FKBP10: variants seen among roughly 807,000 people sequenced by gnomAD.
The protein encoded by FKBP10 is peptidyl-prolyl cis-trans isomerase FKBP10.
A neutral mutation model predicts 53.7 loss-of-function variants in FKBP10; 34 were observed. That is an observed-to-expected ratio of 0.63 (90% CI 0.48 to 0.84). The LOEUF (loss-of-function observed/expected upper bound fraction) is 0.84, where lower values mean the gene tolerates loss of function less well. Ranked by LOEUF, FKBP10 falls within the 40% of genes least tolerant of loss-of-function variation. FKBP10 has a pLI of 0.00. For missense variants in FKBP10, 748 were observed against 797.8 expected (o/e 0.94, Z 0.75); for synonymous variants, 324 against 335.7 (o/e 0.97, Z 0.38).
At chr17:41,820,896 C>A (rs782279540) in intron 7 of FKBP10, 51 bp from the exon 8 acceptor site, 2 of 1,594,080 alleles carry the variant, frequency 1.3e-6, no homozygotes, top group Non-Finnish European at 1.7e-6. Context: ...GAGGGGTGTG[C>A]GCTGGCAGGG....
intron 6 of FKBP10, 107 bp downstream of exon 6, chr17:41,819,782 A>G: frequency 6.5e-7 from 1 of 1,543,118 alleles, no homozygotes. Context: ...GGCCCCTCTC[A>G]TCACAAAAAC....
intron 9 of FKBP10, 135 bp downstream of exon 9, chr17:41,821,952 G>A (rs1308346914): frequency 1.8e-6 from 2 of 1,133,228 alleles, no homozygotes; most frequent in Non-Finnish European, 2.6e-6. Context: ...CCACGCCTCA[G>A]GCTCCTTGTC....
chr17:41,815,591 G>A (rs1447214185), intron 1 of FKBP10, among the ~76,000 whole-genome samples: 3 of 151,296 alleles, frequency 2.0e-5, no homozygotes, highest in Non-Finnish European at 4.4e-5. Context: ...TCAGCCTCCC[G>A]ATTAGCTGGG....
rs2047864270 is a variant in FKBP10 at position 41,819,621 on chromosome 17, G to C, written c.1009G>C (p.Glu337Gln). The change falls in exon 6 of 10, where the codon GAA becomes CAA. Residue 337 changes from glutamate to glutamine, a missense_variant. Transcript: ENST00000321562. Reference sequence around the variant, plus strand: ...GGGGCTGCAGGGTGCCTGCATGGGGGAACGCCGGAGAATTACCATCCCCCC... The same window carrying C: ...GGGGCTGCAGGGTGCCTGCATGGGGCAACGCCGGAGAATTACCATCCCCCC... ...DQGLQGACMGERRRITIPPHL... is the reference protein window; with the variant it reads ...DQGLQGACMGQRRRITIPPHL... 1 of 1,612,896 alleles carries C rather than the reference G, an allele frequency of 6.2e-7. No homozygotes were observed. The highest frequency in any genetic ancestry group is 1.7e-5 in the Admixed American group (1 of 59,830).
Position 41,818,536 on chromosome 17 carries a change from G to A in FKBP10, c.727+9G>A. 6.2e-7 allele frequency: 1 copy of A among 1,614,064 alleles called. No individual in the cohort carries two copies. Among genetic ancestry groups the A allele is most frequent in the South Asian group, 1.1e-5 (1 of 91,056 alleles). The stretch of plus-strand genomic sequence containing the variant: ...TGGCGAGAAAGGCTATGGTGAGGGT[G>A]GGCAAGGACACAAGGGGAAATTCCG... On this transcript the variant is annotated intron_variant, in intron 4 of 9. Coordinates refer to ENST00000321562, the MANE Select transcript of FKBP10 (RefSeq NM_021939.4).
Position 41,820,475 on chromosome 17 carries a change from G to T in FKBP10, c.1256+14G>T, listed in dbSNP as rs202121419. ...GCTGTTCACCTCGTGGGTCCGGGGG[G>T]GGGCCGGGACTGGGCAGGTGGGTGG... On this transcript the variant is annotated intron_variant, in intron 7 of 9. Transcript: ENST00000321562. 16 of 1,613,246 alleles carry T rather than the reference G, an allele frequency of 9.9e-6. No individual in the cohort carries two copies. Among genetic ancestry groups the T allele is most frequent in the Non-Finnish European group, 9.3e-6 (11 of 1,179,982 alleles).
At chr17:41,820,178 G>T in intron 6 of FKBP10, 91 bp from the exon 7 acceptor site, 1 of 1,423,312 alleles carries the variant, frequency 7.0e-7, no homozygotes, top group East Asian at 2.3e-5. Flanking sequence ...GGGTCGGGAA[G>T]GGGTATCAGG....
In FKBP10 at chr17:41,822,726, ATCAC is replaced by A; in HGVS notation, c.*320_*323del. 2.3e-6 allele frequency: 1 copy of A among 444,258 alleles called. No homozygotes were observed. 27.5% of individuals were successfully genotyped at this position (444,258 alleles called of 1,614,324 possible). A position where few individuals can be genotyped will look rare whatever the true frequency, so the allele number is the denominator to read the frequency against. On this transcript the variant is annotated 3_prime_UTR_variant, in exon 10 of 10. Transcript: ENST00000321562. ...GTCCCCCACCATACCTCCCCTCCAC[ATCAC>A]TGACACAGCTGAGCTTGTTATCCAT...
Position 41,817,184 on chromosome 17 carries a change from C to T in FKBP10, c.372C>T (p.Gly124=), listed in dbSNP as rs138713182. The T allele has an allele frequency of 1.2e-6, 2 of 1,613,638 alleles. No homozygotes were observed. The highest frequency in any genetic ancestry group is 2.2e-5 in the South Asian group (2 of 91,090). ...GCCTCATTGTGCCTCCCCACCTGGGCTATGGGAGCATCGGCCTGGGTGAGA... is the reference window on the plus strand; with the variant it reads ...GCCTCATTGTGCCTCCCCACCTGGGTTATGGGAGCATCGGCCTGGGTGAGA... The part of the protein sequence containing the change: ...RRRLIVPPHL[G]YGSIGLAGLI... Residue 124 remains glycine, a synonymous_variant, in exon 2 of 10, where the codon GGC becomes GGT. Transcript: ENST00000321562.
At position 41,819,554 on chromosome 17, in the gene FKBP10, T is replaced by C. The variant is rs376553350; in HGVS notation, c.942T>C (p.Asn314=). 7.7e-5 allele frequency: 124 copies of C among 1,613,870 alleles called. No individual in the cohort carries two copies. Among genetic ancestry groups the C allele is most frequent in the Non-Finnish European group, 1.0e-4 (119 of 1,179,990 alleles). The change falls in exon 6 of 10, where the codon AAT becomes AAC. Residue 314 remains asparagine, a synonymous_variant. Coordinates refer to ENST00000321562, the MANE Select transcript of FKBP10 (RefSeq NM_021939.4). ...GCTACTCCCGCAACCACACCTACAA[T>C]ACCTATATCGGGCAGGGTTACATCA... ...DSSYSRNHTY[N]TYIGQGYIIP...
Position 41,818,160 on chromosome 17 carries a change from A to G in FKBP10, c.463A>G (p.Thr155Ala), listed in dbSNP as rs1405507312. 2 of 1,613,658 alleles carry G rather than the reference A, an allele frequency of 1.2e-6. No individual in the cohort carries two copies. The highest frequency in any genetic ancestry group is 1.7e-6 in the Non-Finnish European group (2 of 1,179,952). The stretch of plus-strand genomic sequence containing the variant: ...GCTGGATGTGTGGAACAAGGAAGAC[A>G]CCGTGCAGGTGAGCACATTGCTGCG... ...VLLDVWNKED[T>A]VQVSTLLRPP... is the part of the protein sequence containing the mutation. The change falls in exon 3 of 10, where the codon ACC becomes GCC. Residue 155 changes from threonine to alanine, a missense_variant. By Grantham distance (58) the Thr-to-Ala change is moderately conservative (BLOSUM62 0). Coordinates refer to ENST00000321562, the MANE Select transcript of FKBP10 (RefSeq NM_021939.4).
intron 8 of FKBP10, among the ~76,000 whole-genome samples, chr17:41,821,383 A>T (rs923738993): frequency 7.9e-5 from 12 of 151,940 alleles, no homozygotes; most frequent in African/African-American, 2.4e-4. Flanking sequence ...TTGGCCTCCC[A>T]AAGTGCTGGG....
Position 41,820,739 on chromosome 17 carries a change from C to T in FKBP10, c.1257-208C>T, listed in dbSNP as rs571833746. 5.6e-5 allele frequency: 41 copies of T among 733,546 alleles called. No homozygotes were observed. In the Admixed American group the frequency reaches 5.8e-4, roughly 10 times the overall value. 45.4% of individuals were successfully genotyped at this position (733,546 alleles called of 1,614,324 possible). A position where few individuals can be genotyped will look rare whatever the true frequency, so the allele number is the denominator to read the frequency against. On this transcript the variant is annotated intron_variant, in intron 7 of 9. Transcript: ENST00000321562. ...ACTGACGCAGGGAGCCATGAGCCCTCGAGGCCACACTTTAGGGGGCAGAGG... is the reference window on the plus strand; with the variant it reads ...ACTGACGCAGGGAGCCATGAGCCCTTGAGGCCACACTTTAGGGGGCAGAGG...
intron 1 of FKBP10, among the ~76,000 whole-genome samples, chr17:41,816,462 T>G (rs1372095115): frequency 5.3e-5 from 8 of 151,932 alleles, no homozygotes; most frequent in Non-Finnish European, 1.0e-4. Flanking sequence ...ATAGGCCTTT[T>G]CAAAATGTGA....
chr17:41,819,135 C>G, intron 4 of FKBP10, 75 bp from the exon 5 acceptor site: 1 of 1,491,622 alleles, frequency 6.7e-7, no homozygotes, highest in Non-Finnish European at 9.3e-7. Flanking sequence ...ATGGTGCCCA[C>G]TGGGCCTTCC....
In FKBP10 at chr17:41,821,111, CTTTTTTTTTT is replaced by C. The variant is rs10522999; in HGVS notation, c.1399+42_1399+51del. 850 of 550,146 alleles carry C rather than the reference CTTTTTTTTTT, an allele frequency of 1.5e-3. 5 individuals carry two copies. The African/African-American group carries it at 0.028, about 18-fold the overall frequency. The allele number at this position is 550,146 out of a possible 1,614,324, so 34.1% of individuals were successfully genotyped here. Reference sequence around the variant, plus strand: ...GGAGGTGAGGGGCTGAGACCATAATCTTTTTTTTTTTTTTTTTTTTTTTTTTTTTGAGATG... The same window carrying C: ...GGAGGTGAGGGGCTGAGACCATAATCTTTTTTTTTTTTTTTTTTTGAGATG... On this transcript the variant is annotated intron_variant, in intron 8 of 9. Transcript: ENST00000321562.
rs782601161 is a variant in FKBP10 at position 41,822,767 on chromosome 17, TTCTC to T, written c.*361_*364del. 1 of 370,328 alleles carries T rather than the reference TTCTC, an allele frequency of 2.7e-6. No homozygotes were observed. Among genetic ancestry groups the T allele is most frequent in the Non-Finnish European group, 5.2e-6 (1 of 193,310 alleles). The allele number at this position is 370,328 out of a possible 1,614,324, so 22.9% of individuals were successfully genotyped here. On this transcript the variant is annotated 3_prime_UTR_variant, in exon 10 of 10. Transcript: ENST00000321562. ...AGCTTGTTATCCATCTCCCCAAACT[TTCTC>T]TTTCTTTGTACTTCTTGTCATCCCC...
chr17:41,821,662 G>T lies in FKBP10; in HGVS notation c.1408G>T (p.Val470Phe). 6.2e-7 allele frequency: 1 copy of T among 1,613,894 alleles called. No homozygotes were observed. Among genetic ancestry groups the T allele is most frequent in the South Asian group, 1.1e-5 (1 of 91,070 alleles). The change falls in exon 9 of 10, where the codon GTC becomes TTC. Residue 470 changes from valine (V) to phenylalanine (F), a missense_variant. Physicochemically the swap from Val to Phe is conservative, Grantham distance 50. Coordinates refer to ENST00000321562, the MANE Select transcript of FKBP10 (RefSeq NM_021939.4). The stretch of plus-strand genomic sequence containing the variant: ...TCCTGCCCTCCCTCCAGCCCGGGGA[G>T]TCCCAGGCAGTGCTGTGCTGCTGTT... ...LAHGESGARG[V>F]PGSAVLLFEV... is the part of the protein sequence containing the mutation.
At chr17:41,820,825 CAA>C in intron 7 of FKBP10, 120 bp from the exon 8 acceptor site, 2 of 1,398,906 alleles carry the variant, frequency 1.4e-6, no homozygotes, top group Non-Finnish European at 1.9e-6. Flanking sequence ...CTGCGTGGCC[CAA>C]GTCACCAGTG....
Sources: gnomAD v4.1 joint callset for allele counts (sites outside exome capture counted in the v4.1 genomes callset) on GRCh38, gnomAD v4.1.1 for gene constraint, MANE v1.5 for transcripts, NCBI Gene and HGNC (gene_info 2026-07-23, HGNC 2026-07-21) for gene names.